The following CYP8B1 variants were observed in gnomAD, a reference collection of about 807,000 sequenced individuals.
CYP8B1 encodes the protein 7-alpha-hydroxycholest-4-en-3-one 12-alpha-hydroxylase.
For synonymous variants in CYP8B1, 221 were observed against 251.2 expected, an observed-to-expected ratio of 0.88 and a Z score of 1.14; for missense variants, 594 against 643.7, an observed-to-expected ratio of 0.92 and a Z score of 0.84.
rs778677576 is a variant in CYP8B1 at position 42,875,093 on chromosome 3, C to T, written c.724G>A (p.Val242Met). The change falls in exon 1 of 1, where the codon GTG (valine) becomes ATG (methionine). Residue 242 changes from valine (V) to methionine (M), a missense_variant. Coordinates refer to ENST00000316161, the MANE Select transcript of CYP8B1 (RefSeq NM_004391.3). ...CCCTCCTTCTCCTGGCTGTGGCTCA[C>T]GGAGAGCATCTTGTGAAAGAGACGC... ...LQRLFHKMLS[V>M]SHSQEKEGIS... is the part of the protein sequence containing the mutation. The T allele has an allele frequency of 8.1e-6, 13 of 1,613,640 alleles. No homozygotes were observed. Among genetic ancestry groups the T allele is most frequent in the South Asian group, 3.3e-5 (3 of 91,072 alleles).
rs2088496090 is a variant in CYP8B1, at chr3:42,874,239, G to A, written c.*72C>T. 2.8e-6 allele frequency: 4 copies of A among 1,416,208 alleles called. No homozygotes were observed. The highest frequency in any genetic ancestry group is 2.9e-6 in the Non-Finnish European group (3 of 1,032,824). The allele number at this position is 1,416,208 out of a possible 1,614,324, so 87.7% of individuals were successfully genotyped here. A position where few individuals can be genotyped will look rare whatever the true frequency, so the allele number is the denominator to read the frequency against. Reference sequence around the variant, plus strand: ...GGGTGGCCAGTGGGGTCTTGGGGCTGCAGAGGGGTGAGAACAGGTGAGAGA... The same window carrying A: ...GGGTGGCCAGTGGGGTCTTGGGGCTACAGAGGGGTGAGAACAGGTGAGAGA... On this transcript the variant is annotated 3_prime_UTR_variant, in exon 1 of 1. Transcript: ENST00000316161.
chr3:42,875,092 A>G lies in CYP8B1; in HGVS notation c.725T>C (p.Val242Ala), dbSNP rs749022899. The G allele has an allele frequency of 4.3e-6, 7 of 1,613,444 alleles. No individual in the cohort carries two copies. The highest frequency in any genetic ancestry group is 5.9e-6 in the Non-Finnish European group (7 of 1,179,982). The change falls in exon 1 of 1, where the codon GTG becomes GCG. Residue 242 changes from valine to alanine, a missense_variant. By Grantham distance (64) the Val-to-Ala change is moderately conservative (BLOSUM62 0). Transcript: ENST00000316161. ...LQRLFHKMLS[V>A]SHSQEKEGIS... is the part of the protein sequence containing the mutation. ...GCCCTCCTTCTCCTGGCTGTGGCTC[A>G]CGGAGAGCATCTTGTGAAAGAGACG...
At position 42,873,993 on chromosome 3, in the gene CYP8B1, G is replaced by T. The variant is rs1427598951; in HGVS notation, c.*318C>A. The stretch of plus-strand genomic sequence containing the variant: ...TGTTACTCGTGTCTGGGGGGAACCA[G>T]TCTCTGTACTCAGGACTTCTCAAGG... On this transcript the variant is annotated 3_prime_UTR_variant, in exon 1 of 1. Coordinates refer to ENST00000316161, the MANE Select transcript of CYP8B1 (RefSeq NM_004391.3). 2 of 359,398 alleles carry T rather than the reference G, an allele frequency of 5.6e-6. No individual in the cohort carries two copies. Among genetic ancestry groups the T allele is most frequent in the Non-Finnish European group, 1.0e-5 (2 of 195,112 alleles). The allele number at this position is 359,398 out of a possible 1,614,324, so 22.3% of individuals were successfully genotyped here.
At position 42,873,228 on chromosome 3, in the gene CYP8B1, A is replaced by C. The variant is rs1265906079; in HGVS notation, c.*1083T>G. 2.6e-5 allele frequency: 4 copies of C among 152,346 alleles called. No individual in the cohort carries two copies. Among genetic ancestry groups the C allele is most frequent in the Middle Eastern group, 3.4e-3 (1 of 296 alleles). The allele number at this position is 152,346 out of a possible 1,614,324, so 9.4% of individuals were successfully genotyped here. On this transcript the variant is annotated 3_prime_UTR_variant, in exon 1 of 1. Transcript: ENST00000316161. ...GCCGGGTGTGGTGGTGCGCACCTATAATCCCAGCTACTCAGAAGCCTGAGG... is the reference window on the plus strand; with the variant it reads ...GCCGGGTGTGGTGGTGCGCACCTATCATCCCAGCTACTCAGAAGCCTGAGG...
chr3:42,874,361 G>T lies in CYP8B1; in HGVS notation c.1456C>A (p.Gln486Lys). The T allele has an allele frequency of 1.9e-6, 3 of 1,614,136 alleles. No individual in the cohort carries two copies. The highest frequency in any genetic ancestry group is 2.2e-5 in the South Asian group (2 of 91,078). Residue 486 changes from glutamine (Q) to lysine (K), a missense_variant, in exon 1 of 1, where the codon CAG (glutamine) becomes AAG (lysine). Physicochemically the swap from Gln to Lys is moderately conservative, Grantham distance 53. Coordinates refer to ENST00000316161, the MANE Select transcript of CYP8B1 (RefSeq NM_004391.3). ...CGGAAGCGCACATCGTGGCTGGGCT[G>T]CATGGTGCCAAAACCCCAGCGCTGC... ...DPQRWGFGTMQPSHDVRFRYR... is the reference protein window; with the variant it reads ...DPQRWGFGTMKPSHDVRFRYR...
rs867455201 is a variant in CYP8B1, at chr3:42,873,201, T to G, written c.*1110A>C. 2 of 152,000 alleles carry G rather than the reference T, an allele frequency of 1.3e-5. No homozygotes were observed. The highest frequency in any genetic ancestry group is 2.9e-5 in the Non-Finnish European group (2 of 68,016). 9.4% of individuals were successfully genotyped at this position (152,000 alleles called of 1,614,324 possible). ...CCGTCTCTACTAAAAATACAGAAAC[T>G]AGCCGGGTGTGGTGGTGCGCACCTA... On this transcript the variant is annotated 3_prime_UTR_variant, in exon 1 of 1. Coordinates refer to ENST00000316161, the MANE Select transcript of CYP8B1 (RefSeq NM_004391.3).
Position 42,874,104 on chromosome 3 carries a change from C to T in CYP8B1, c.*207G>A, listed in dbSNP as rs1559697388. 1.7e-6 allele frequency: 1 copy of T among 581,856 alleles called. No individual in the cohort carries two copies. The highest frequency in any genetic ancestry group is 3.0e-6 in the Non-Finnish European group (1 of 327,900). The allele number at this position is 581,856 out of a possible 1,614,324, so 36.0% of individuals were successfully genotyped here. A position where few individuals can be genotyped will look rare whatever the true frequency, so the allele number is the denominator to read the frequency against. ...TGAGAGGAGGGTTCGGCAGAACCCA[C>T]TCTGAGAGATGGTATTTTAAAGAGA... is the stretch of plus-strand genomic sequence containing the variant. On this transcript the variant is annotated 3_prime_UTR_variant, in exon 1 of 1. Transcript: ENST00000316161.
rs745464027 is a variant in CYP8B1 at position 42,874,891 on chromosome 3, C to G, written c.926G>C (p.Arg309Thr). 76 of 1,598,188 alleles carry G rather than the reference C, an allele frequency of 4.8e-5. No homozygotes were observed. Among genetic ancestry groups the G allele is most frequent in the Non-Finnish European group, 6.4e-5 (75 of 1,170,828 alleles). ...LKHPEAIRAV[R>T]EEATQVLGEA... Reference sequence around the variant, plus strand: ...ACCCAGGACCTGGGTAGCTTCCTCCCTCACAGCCCGAATAGCTTCTGGGTG... The same window carrying G: ...ACCCAGGACCTGGGTAGCTTCCTCCGTCACAGCCCGAATAGCTTCTGGGTG... The change falls in exon 1 of 1, where the codon AGG (arginine) becomes ACG (threonine). Residue 309 changes from arginine to threonine, a missense_variant. Coordinates refer to ENST00000316161, the MANE Select transcript of CYP8B1 (RefSeq NM_004391.3).
Position 42,873,231 on chromosome 3 carries a change from C to T in CYP8B1, c.*1080G>A, listed in dbSNP as rs1222343844. On this transcript the variant is annotated 3_prime_UTR_variant, in exon 1 of 1. Transcript: ENST00000316161. The stretch of plus-strand genomic sequence containing the variant: ...GGGTGTGGTGGTGCGCACCTATAAT[C>T]CCAGCTACTCAGAAGCCTGAGGCAG... 1 of 152,162 alleles carries T rather than the reference C, an allele frequency of 6.6e-6. No individual in the cohort carries two copies. The highest frequency in any genetic ancestry group is 1.5e-5 in the Non-Finnish European group (1 of 68,062). The allele number at this position is 152,162 out of a possible 1,614,324, so 9.4% of individuals were successfully genotyped here. A position where few individuals can be genotyped will look rare whatever the true frequency, so the allele number is the denominator to read the frequency against.
rs1240316511 is a variant in CYP8B1, at chr3:42,874,634, C to G, written c.1183G>C (p.Asp395His). 6.2e-7 allele frequency: 1 copy of G among 1,613,936 alleles called. No homozygotes were observed. The highest frequency in any genetic ancestry group is 8.5e-7 in the Non-Finnish European group (1 of 1,180,028). The stretch of plus-strand genomic sequence containing the variant: ...AAGACGGTGGGCTCAGGGTGGATGT[C>G]AGGGTCCATGTGCACTGAGAGGTAG... ...FPYLSVHMDP[D>H]IHPEPTVFKY... Residue 395 changes from aspartate (D) to histidine (H), a missense_variant, in exon 1 of 1, where the codon GAC becomes CAC. Asp to His is a moderately conservative substitution (Grantham distance 81). Coordinates refer to ENST00000316161, the MANE Select transcript of CYP8B1 (RefSeq NM_004391.3).
Position 42,875,871 on chromosome 3 carries a change from G to T in CYP8B1, c.-55C>A, listed in dbSNP as rs2125631277. On this transcript the variant is annotated 5_prime_UTR_variant, in exon 1 of 1. In the 5' UTR this introduces an upstream ATG that the reference lacks. Coordinates refer to ENST00000316161, the MANE Select transcript of CYP8B1 (RefSeq NM_004391.3). ...CACGCACACTGTTCCCTGGGTGCCA[G>T]AGAGCTTTGGGAGGCCTTGGAAAGT... 7.6e-7 allele frequency: 1 copy of T among 1,312,894 alleles called. No homozygotes were observed. The highest frequency in any genetic ancestry group is 3.1e-5 in the South Asian group (1 of 32,546). The allele number at this position is 1,312,894 out of a possible 1,614,324, so 81.3% of individuals were successfully genotyped here. A position where few individuals can be genotyped will look rare whatever the true frequency, so the allele number is the denominator to read the frequency against.
rs868210800 is a variant in CYP8B1 at position 42,875,681 on chromosome 3, C to T, written c.136G>A (p.Ala46Thr). The T allele has an allele frequency of 6.7e-7, 1 of 1,498,062 alleles. No homozygotes were observed. The highest frequency in any genetic ancestry group is 8.9e-7 in the Non-Finnish European group (1 of 1,125,866). 92.8% of individuals were successfully genotyped at this position (1,498,062 alleles called of 1,614,324 possible). A position where few individuals can be genotyped will look rare whatever the true frequency, so the allele number is the denominator to read the frequency against. ...DKGTVPWLGH[A>T]MAFRKNMFEF... ...AACATATTCTTCCGGAAAGCCATGGCATGGCCAAGCCAGGGCACGGTACCC... is the reference window on the plus strand; with the variant it reads ...AACATATTCTTCCGGAAAGCCATGGTATGGCCAAGCCAGGGCACGGTACCC... The change falls in exon 1 of 1, where the codon GCC becomes ACC. Residue 46 changes from alanine to threonine, a missense_variant. Physicochemically the swap from Ala to Thr is moderately conservative, Grantham distance 58. Coordinates refer to ENST00000316161, the MANE Select transcript of CYP8B1 (RefSeq NM_004391.3).
Position 42,874,380 on chromosome 3 carries a change from G to T in CYP8B1, c.1437C>A (p.Arg479=). ...DTPLPHVDPQ[R]WGFGTMQPSH... ...TGGGCTGCATGGTGCCAAAACCCCAGCGCTGCGGGTCAACATGGGGTAGTG... is the reference window on the plus strand; with the variant it reads ...TGGGCTGCATGGTGCCAAAACCCCATCGCTGCGGGTCAACATGGGGTAGTG... The change falls in exon 1 of 1, where the codon CGC becomes CGA. Residue 479 remains arginine (R), a synonymous_variant. Transcript: ENST00000316161. 6.2e-7 allele frequency: 1 copy of T among 1,614,176 alleles called. No homozygotes were observed. The highest frequency in any genetic ancestry group is 8.5e-7 in the Non-Finnish European group (1 of 1,180,022).
rs993234194 is a variant in CYP8B1, at chr3:42,874,061, C to A, written c.*250G>T. The A allele has an allele frequency of 5.8e-6, 3 of 519,334 alleles. No homozygotes were observed. Among genetic ancestry groups the A allele is most frequent in the African/African-American group, 3.8e-5 (2 of 52,524 alleles). The allele number at this position is 519,334 out of a possible 1,614,324, so 32.2% of individuals were successfully genotyped here. On this transcript the variant is annotated 3_prime_UTR_variant, in exon 1 of 1. Transcript: ENST00000316161. ...ACCAAGTTGCCCACAGATACTCCCC[C>A]TTCCTCTGGACTTCCTGTGAGAGGA... is the stretch of plus-strand genomic sequence containing the variant.
In CYP8B1 at chr3:42,875,804, C is replaced by G; in HGVS notation, c.13G>C (p.Gly5Arg). 7.3e-7 allele frequency: 1 copy of G among 1,367,246 alleles called. No homozygotes were observed. The highest frequency in any genetic ancestry group is 2.7e-5 in the East Asian group (1 of 37,104). 84.7% of individuals were successfully genotyped at this position (1,367,246 alleles called of 1,614,324 possible). ...ACCAGCAGAGCTCCCAGCACTGGAC[C>G]CCAGAGAACCATGGCTATGCTCCTG... MVLW[G>R]PVLGALLVVI... is the part of the protein sequence containing the mutation. The change falls in exon 1 of 1, where the codon GGT becomes CGT. Residue 5 changes from glycine to arginine, a missense_variant. Physicochemically the swap from Gly to Arg is moderately radical, Grantham distance 125 (BLOSUM62 -2). Transcript: ENST00000316161.
rs138006773 is a variant in CYP8B1, at chr3:42,875,234, C to T, written c.583G>A (p.Asp195Asn). 2.7e-4 allele frequency: 430 copies of T among 1,592,126 alleles called. 4 individuals carry two copies. Among genetic ancestry groups the T allele is most frequent in the Non-Finnish European group, 5.1e-5 (60 of 1,167,658 alleles). ...LFGYTKDKEQDLLQAGELFME... is the reference protein window; with the variant it reads ...LFGYTKDKEQNLLQAGELFME... Reference sequence around the variant, plus strand: ...AATAACTCTCCTGCCTGTAGCAGGTCCTGCTCCTTGTCCTTCGTGTAGCCG... The same window carrying T: ...AATAACTCTCCTGCCTGTAGCAGGTTCTGCTCCTTGTCCTTCGTGTAGCCG... The change falls in exon 1 of 1, where the codon GAC becomes AAC. Residue 195 changes from aspartate to asparagine, a missense_variant. Asp to Asn is a conservative substitution (Grantham distance 23). Coordinates refer to ENST00000316161, the MANE Select transcript of CYP8B1 (RefSeq NM_004391.3).
Position 42,874,692 on chromosome 3 carries a change from C to G in CYP8B1, c.1125G>C (p.Leu375=), listed in dbSNP as rs2088501162. The G allele has an allele frequency of 6.2e-7, 1 of 1,613,784 alleles. No homozygotes were observed. Among genetic ancestry groups the G allele is most frequent in the Admixed American group, 1.7e-5 (1 of 60,002 alleles). Residue 375 remains leucine, a synonymous_variant, in exon 1 of 1, where the codon CTG becomes CTC. Coordinates refer to ENST00000316161, the MANE Select transcript of CYP8B1 (RefSeq NM_004391.3). ...TLKMSSGQEY[L]FRHGDILALF... is the part of the protein sequence containing the mutation. The stretch of plus-strand genomic sequence containing the variant: ...GGGCCAGGATGTCTCCATGGCGGAA[C>G]AGATACTCCTGCCCACTGGACATCT...
Position 42,874,747 on chromosome 3 carries a change from AG to A in CYP8B1, c.1069del (p.Leu357SerfsTer10). ...GGTATAGTCTTCATGAACCAACCTG[AG>A]GAGGGTGGGTGCAGCCCTCAGCCGC... is the stretch of plus-strand genomic sequence containing the variant. Reference protein sequence around the residue: ...TLRLRAAPTLLRLVHEDYTLK... With the variant: ...TLRLRAAPTLXRLVHEDYTLK... On this transcript the variant is annotated frameshift_variant, in exon 1 of 1. Coordinates refer to ENST00000316161, the MANE Select transcript of CYP8B1 (RefSeq NM_004391.3). LOFTEE classifies it low-confidence loss of function (END_TRUNC). 7 of 1,614,072 alleles carry A rather than the reference AG, an allele frequency of 4.3e-6. No individual in the cohort carries two copies. The highest frequency in any genetic ancestry group is 5.9e-6 in the Non-Finnish European group (7 of 1,180,016).
chr3:42,875,197 C>G lies in CYP8B1; in HGVS notation c.620G>C (p.Arg207Pro), dbSNP rs368892456. The G allele has an allele frequency of 7.5e-6, 12 of 1,592,292 alleles. No homozygotes were observed. Among genetic ancestry groups the G allele is most frequent in the Non-Finnish European group, 1.0e-5 (12 of 1,167,670 alleles). The change falls in exon 1 of 1, where the codon CGC (arginine) becomes CCC (proline). Residue 207 changes from arginine (R) to proline (P), a missense_variant. Transcript: ENST00000316161. ...LQAGELFMEF[R>P]KFDLLFPRFV... Reference sequence around the variant, plus strand: ...CCTTGGGAAAAGAAGGTCAAACTTGCGGAACTCCATGAATAACTCTCCTGC... The same window carrying G: ...CCTTGGGAAAAGAAGGTCAAACTTGGGGAACTCCATGAATAACTCTCCTGC...
Sources: allele counts gnomAD v4.1 joint callset, GRCh38; gene constraint gnomAD v4.1.1; transcripts MANE v1.5; gene names NCBI Gene and HGNC (gene_info 2026-07-23, HGNC 2026-07-21).